Variants in XAF1 observed in about 807,000 individuals in gnomAD.
XAF1 encodes the protein XIAP associated factor 1.
Under a neutral mutation model 32.3 loss-of-function variants are expected in XAF1, and 32 were observed. The observed-to-expected ratio is 0.99, with a 90% CI of 0.75 to 1.33. XAF1 has a LOEUF of 1.33. Ranked by LOEUF, XAF1 falls within the 40% of genes most tolerant of loss-of-function variation. The pLI, the probability that XAF1 is intolerant of heterozygous loss-of-function variation, is 0.00. For missense variants in XAF1, 379 were observed against 366.0 expected (o/e 1.04, Z -0.29); for synonymous variants, 120 against 125.9 (o/e 0.95, Z 0.31).
At chr17:6,770,608 C>A in intron 5 of XAF1, 35 bp from the exon 6 acceptor site, 1 of 1,506,410 alleles carries the variant, frequency 6.6e-7, no homozygotes, top group South Asian at 1.3e-5. Flanking sequence ...AAGCTGAAGT[C>A]ATTTTAAAAT....
At chr17:6,768,129 CTTTT>C (rs113141167) in intron 5 of XAF1, among the ~76,000 whole-genome samples, 3 of 144,914 alleles carry the variant, frequency 2.1e-5, no homozygotes, top group African/African-American at 7.6e-5. Flanking sequence ...TTCTTTCTTT[CTTTT>C]TTTTTTTGAG....
chr17:6,759,356 A>C, intron 2 of XAF1: 1 of 1,341,992 alleles, frequency 7.5e-7, no homozygotes, highest in Non-Finnish European at 9.5e-7. Context: ...AGGTCCTGGA[A>C]GGCAGTCAGA....
intron 3 of XAF1, 142 bp from the exon 4 acceptor site, chr17:6,760,264 C>T (rs1975076071): frequency 2.6e-6 from 2 of 780,308 alleles, no homozygotes; most frequent in Middle Eastern, 3.9e-4. Flanking sequence ...AGGAGAATTG[C>T]TTGAACCCGG....
chr17:6,760,826 G>A (rs952602846), intron 4 of XAF1, among the ~76,000 whole-genome samples: 1 of 152,152 alleles, frequency 6.6e-6, no homozygotes. Flanking sequence ...AGGAGGCCGG[G>A]GCTAGAGCCT....
chr17:6,767,537 A>G (rs946402894), intron 5 of XAF1, among the ~76,000 whole-genome samples: 6 of 152,208 alleles, frequency 3.9e-5, no homozygotes, highest in African/African-American at 7.2e-5. Flanking sequence ...CCAGGCTTGA[A>G]CTATACTTTG....
Position 6,759,694 on chromosome 17 carries a change from G to A in XAF1, c.201G>A (p.Gln67=), listed in dbSNP as rs12943770. The change falls in exon 3 of 7, where the codon CAG becomes CAA. Residue 67 remains glutamine (Q), a synonymous_variant. Coordinates refer to ENST00000361842, the MANE Select transcript of XAF1 (RefSeq NM_017523.5). ...VGCTMCQQSM[Q]KSSLEFHKAN... is the part of the protein sequence containing the mutation. ...GTACGATGTGTCAGCAGAGCATGCA[G>A]AAGTCCTCGCTGGAGTTTCATAAGG... is the stretch of plus-strand genomic sequence containing the variant. 4 of 1,613,848 alleles carry A rather than the reference G, an allele frequency of 2.5e-6. No individual in the cohort carries two copies. The East Asian group carries it at 8.9e-5, about 36-fold the overall frequency.
intron 5 of XAF1, among the ~76,000 whole-genome samples, chr17:6,765,961 C>T (rs897299731): frequency 6.6e-6 from 1 of 152,184 alleles, no homozygotes; most frequent in African/African-American, 2.4e-5. Flanking sequence ...TATCTCATCA[C>T]CTCTTTGATC....
intron 1 of XAF1, among the ~76,000 whole-genome samples, chr17:6,756,591 C>T (rs563884425): frequency 2.3e-4 from 35 of 152,138 alleles, no homozygotes; most frequent in African/African-American, 8.4e-4. Context: ...AGGGGGGGCG[C>T]GGAATCTGAC....
upstream of XAF1, chr17:6,755,573 C>G: frequency 9.9e-7 from 1 of 1,005,830 alleles, no homozygotes; most frequent in African/African-American, 1.7e-5. Context: ...CCAGAGCCTC[C>G]CTGGACGCTG....
intron 2 of XAF1, chr17:6,759,112 C>T: frequency 9.8e-7 from 1 of 1,018,590 alleles, no homozygotes; most frequent in Non-Finnish European, 1.2e-6. Flanking sequence ...GGTCCAGTCC[C>T]CCAGGCAGAG....
chr17:6,763,858 G>A (rs1468131525), intron 5 of XAF1, among the ~76,000 whole-genome samples: 1 of 152,178 alleles, frequency 6.6e-6, no homozygotes, highest in Non-Finnish European at 1.5e-5. Context: ...CTCAGCCTTG[G>A]CTGTACGTGG....
intron 5 of XAF1, among the ~76,000 whole-genome samples, chr17:6,765,422 A>G (rs576279424): frequency 6.6e-6 from 1 of 152,322 alleles, no homozygotes; most frequent in East Asian, 1.9e-4. Flanking sequence ...CAAAAAATAG[A>G]TAAATAAATA....
chr17:6,762,186 CTACTGTCAT>C lies in XAF1; in HGVS notation c.456_464del (p.His154_Cys156del). 6.2e-7 allele frequency: 1 copy of C among 1,613,842 alleles called. No homozygotes were observed. Among genetic ancestry groups the C allele is most frequent in the East Asian group, 2.2e-5 (1 of 44,886 alleles). On this transcript the variant is annotated inframe_deletion, in exon 5 of 7. Coordinates refer to ENST00000361842, the MANE Select transcript of XAF1 (RefSeq NM_017523.5). ...GAATTTCAGCTCCTGAAAGGGAAATCTACTGTCATTATTGCAACCAAATGATTCCAGAAA... is the reference window on the plus strand; with the variant it reads ...GAATTTCAGCTCCTGAAAGGGAAATCTATTGCAACCAAATGATTCCAGAAA...
chr17:6,771,781 G>A (rs1181498529), intron 6 of XAF1: 1 of 152,012 alleles, frequency 6.6e-6, no homozygotes, highest in African/African-American at 2.4e-5. Flanking sequence ...GATTTTGTTG[G>A]AGCTAGTTGA....
In XAF1 at chr17:6,760,330, A is replaced by C. The variant is rs190695489; in HGVS notation, c.226-76A>C. On this transcript the variant is annotated intron_variant, in intron 3 of 6. Transcript: ENST00000361842. ...GCCACTGCACTCCAGCCTGGGCAAC[A>C]CAATGAGACTCTGTCTCAAAAAAAA... 1,129 of 1,409,148 alleles carry C rather than the reference A, an allele frequency of 8.0e-4. 14 individuals are homozygous for C. In the African/African-American group the frequency reaches 0.015, roughly 19 times the overall value. The allele number at this position is 1,409,148 out of a possible 1,614,324, so 87.3% of individuals were successfully genotyped here.
At chr17:6,758,525 T>C (rs1273485685) in intron 2 of XAF1, 1 of 426,536 alleles carries the variant, frequency 2.3e-6, no homozygotes, top group African/African-American at 2.4e-5. Flanking sequence ...CAGTCCTCTC[T>C]GCAGGACAGA....
intron 6 of XAF1, chr17:6,772,807 C>A (rs1009207527): frequency 1.9e-5 from 5 of 262,102 alleles, no homozygotes; most frequent in Non-Finnish European, 3.6e-5. Context: ...TCAGCAATAC[C>A]CAAGGAAATC....
At chr17:6,762,309 A>G (rs1385212330) in intron 5 of XAF1, 69 bp downstream of exon 5, 1 of 1,385,372 alleles carries the variant, frequency 7.2e-7, no homozygotes. Flanking sequence ...TGTGATAGGA[A>G]AGGCAGATTC....
At position 6,774,764 on chromosome 17, in the gene XAF1, G is replaced by A. The variant is rs926432962; in HGVS notation, c.*1595G>A. ...AAGGATAAAGAAAATGTGGTGGCAGGGAGTGGTGGCTCATGTCTGTAATCC... is the reference window on the plus strand; with the variant it reads ...AAGGATAAAGAAAATGTGGTGGCAGAGAGTGGTGGCTCATGTCTGTAATCC... On this transcript the variant is annotated 3_prime_UTR_variant, in exon 7 of 7. Coordinates refer to ENST00000361842, the MANE Select transcript of XAF1 (RefSeq NM_017523.5). 7 of 152,232 alleles carry A rather than the reference G, an allele frequency of 4.6e-5. No individual in the cohort carries two copies. Among genetic ancestry groups the A allele is most frequent in the African/African-American group, 1.7e-4 (7 of 41,428 alleles). The allele number at this position is 152,232 out of a possible 1,614,324, so 9.4% of individuals were successfully genotyped here. A position where few individuals can be genotyped will look rare whatever the true frequency, so the allele number is the denominator to read the frequency against.
Sources: gnomAD v4.1 joint callset for allele counts (sites outside exome capture counted in the v4.1 genomes callset) on GRCh38, gnomAD v4.1.1 for gene constraint, MANE v1.5 for transcripts, NCBI Gene and HGNC (gene_info 2026-07-23, HGNC 2026-07-21) for gene names.